The following SLC38A8 variants were observed in gnomAD, a reference collection of about 807,000 sequenced individuals.
SLC38A8 encodes the protein amino acid transporter SLC38A8.
SLC38A8 carries 65 observed loss-of-function variants against 46.0 expected under a neutral mutation model. That is an observed-to-expected ratio of 1.41 (90% CI 1.16 to 1.74). SLC38A8 has a LOEUF of 1.74. SLC38A8 is among the 40% of genes most tolerant of loss of function. The probability of loss-of-function intolerance (pLI) is 0.00; values close to 1 mark genes in which losing one functional copy is unlikely to be tolerated. For missense variants in SLC38A8, 998 were observed against 567.9 expected, an observed-to-expected ratio of 1.76 and a Z score of -7.70; for synonymous variants, 447 against 243.7, an observed-to-expected ratio of 1.83 and a Z score of -7.77.
chr16:84,027,383 AC>A (rs1567698304), intron 6 of SLC38A8, among the ~76,000 whole-genome samples: 264 of 150,556 alleles, frequency 1.8e-3, no homozygotes, highest in African/African-American at 6.4e-3. Flanking sequence ...AAACAAACAA[AC>A]AAACACACAC....
rs141088249 is a variant in SLC38A8 at position 84,040,393 on chromosome 16, T to A, written c.189+1576A>T. Among the ~76,000 whole-genome samples, 479 of 152,192 alleles carry A rather than the reference T, an allele frequency of 3.1e-3. 2 individuals carry two copies. The highest frequency in any genetic ancestry group is 5.6e-3 in the Non-Finnish European group (383 of 67,968). On this transcript the variant is annotated intron_variant, in intron 2 of 10. Transcript: ENST00000299709. Reference sequence around the variant, plus strand: ...ATCCTAAGCAAAACAAAACAGCTGTTTCCCCAGAAGCAAGTCACAAATGTG... The same window carrying A: ...ATCCTAAGCAAAACAAAACAGCTGTATCCCCAGAAGCAAGTCACAAATGTG...
At chr16:84,031,420 G>A (rs2085236436) in intron 5 of SLC38A8, among the ~76,000 whole-genome samples, 1 of 152,172 alleles carries the variant, frequency 6.6e-6, no homozygotes, top group African/African-American at 2.4e-5. Flanking sequence ...AACTCATCCA[G>A]AGCAAAACCA....
intron 5 of SLC38A8, 47 bp from the exon 6 acceptor site, chr16:84,029,598 G>A (rs766149672): frequency 3.9e-5 from 61 of 1,582,038 alleles, no homozygotes; most frequent in African/African-American, 5.4e-5. Context: ...GGTCACACCC[G>A]GAACAACCTG....
chr16:84,027,129 A>C (rs923174339), intron 6 of SLC38A8, among the ~76,000 whole-genome samples: 1 of 152,176 alleles, frequency 6.6e-6, no homozygotes, highest in Admixed American at 6.5e-5. Flanking sequence ...AGGTGGGCAG[A>C]TCAAAAGGTT....
chr16:84,022,946 G>A (rs575549374), intron 6 of SLC38A8, 57 bp from the exon 7 acceptor site: 85 of 1,286,546 alleles, frequency 6.6e-5, no homozygotes, highest in East Asian at 2.9e-4. Flanking sequence ...CAGGCGATGC[G>A]AAAAAAAACT....
At chr16:84,041,718 A>G (rs111507559) in intron 2 of SLC38A8, among the ~76,000 whole-genome samples, 13 of 152,262 alleles carry the variant, frequency 8.5e-5, no homozygotes, top group African/African-American at 3.1e-4. Context: ...TCACAGACAG[A>G]GCTGCGATGC....
chr16:84,013,319 C>T (rs556525593), intron 9 of SLC38A8, among the ~76,000 whole-genome samples: 93 of 148,912 alleles, frequency 6.2e-4, no homozygotes, highest in African/African-American at 2.3e-3. Flanking sequence ...TGACAACATG[C>T]CCCCCCACAG....
intron 7 of SLC38A8, among the ~76,000 whole-genome samples, chr16:84,022,065 C>T (rs1292072488): frequency 6.6e-6 from 1 of 152,214 alleles, no homozygotes; most frequent in Non-Finnish European, 1.5e-5. Flanking sequence ...TTGAAGGCCC[C>T]ACGTCTCAAT....
intron 3 of SLC38A8, among the ~76,000 whole-genome samples, chr16:84,036,242 T>C (rs1415067843): frequency 6.6e-6 from 1 of 152,260 alleles, no homozygotes; most frequent in African/African-American, 2.4e-5. Flanking sequence ...TCATGAGGAA[T>C]GAGTCCAGTG....
intron 7 of SLC38A8, among the ~76,000 whole-genome samples, chr16:84,021,088 G>A (rs1391616124): frequency 2.6e-5 from 4 of 152,066 alleles, no homozygotes; most frequent in Non-Finnish European, 5.9e-5. Flanking sequence ...GGATGACAGA[G>A]TCTCATTCTT....
intron 10 of SLC38A8, 80 bp downstream of exon 10, chr16:84,012,921 G>C (rs999299344): frequency 1.1e-5 from 16 of 1,451,800 alleles, no homozygotes; most frequent in Non-Finnish European, 1.4e-5. Context: ...ATGAGAAATA[G>C]GATCTGCAGG....
At chr16:84,023,638 C>T (rs2085122909) in intron 6 of SLC38A8, among the ~76,000 whole-genome samples, 1 of 152,228 alleles carries the variant, frequency 6.6e-6, no homozygotes, top group Non-Finnish European at 1.5e-5. Flanking sequence ...TCGCACCTGT[C>T]ACCCCAGCAC....
At chr16:84,030,566 C>A (rs2085225934) in intron 5 of SLC38A8, among the ~76,000 whole-genome samples, 1 of 152,084 alleles carries the variant, frequency 6.6e-6, no homozygotes, top group Non-Finnish European at 1.5e-5. Flanking sequence ...CTTGACTGTT[C>A]CAGCCTGAGC....
intron 9 of SLC38A8, among the ~76,000 whole-genome samples, chr16:84,015,740 T>C (rs1350629654): frequency 1.3e-5 from 2 of 152,152 alleles, no homozygotes; most frequent in Non-Finnish European, 2.9e-5. Flanking sequence ...AGTTTCACTC[T>C]TGTCGCCCAG....
In SLC38A8 at chr16:84,042,009, G is replaced by C. The variant is rs564749461; in HGVS notation, c.149C>G (p.Ser50Cys). ...GGCAGGGACCACTCCGCCCGCTTTGGAGAAGGCCCAGGGGAAGTTGAGCAG... is the reference window on the plus strand; with the variant it reads ...GGCAGGGACCACTCCGCCCGCTTTGCAGAAGGCCCAGGGGAAGTTGAGCAG... ...AGLLNFPWAF[S>C]KAGGVVPAFL... The change falls in exon 2 of 11, where the codon TCC becomes TGC. Residue 50 changes from serine to cysteine, a missense_variant. Coordinates refer to ENST00000299709, the MANE Select transcript of SLC38A8 (RefSeq NM_001080442.3). The C allele has an allele frequency of 3.7e-6, 6 of 1,612,042 alleles. No individual in the cohort carries two copies. The South Asian group carries it at 4.4e-5, about 12-fold the overall frequency.
intron 3 of SLC38A8, among the ~76,000 whole-genome samples, chr16:84,035,142 C>A (rs1413762542): frequency 1.3e-5 from 2 of 152,212 alleles, no homozygotes; most frequent in East Asian, 3.9e-4. Flanking sequence ...AGTCAGGGGG[C>A]TCCGCTCCCA....
intron 9 of SLC38A8, among the ~76,000 whole-genome samples, chr16:84,013,433 T>TTTG (rs1436489816): frequency 2.6e-4 from 33 of 128,468 alleles, no homozygotes; most frequent in Non-Finnish European, 4.6e-4. Context: ...TGTTTTTTTT[T>TTTG]TTTTTTTTTT....
intron 10 of SLC38A8, among the ~76,000 whole-genome samples, chr16:84,012,635 G>A (rs890411692): frequency 6.6e-6 from 1 of 152,236 alleles, no homozygotes; most frequent in African/African-American, 2.4e-5. Context: ...ATGGTGTCTG[G>A]CCGGCCATGG....
At chr16:84,017,069 G>C (rs543066846) in intron 8 of SLC38A8, 71 bp downstream of exon 8, 6 of 1,579,456 alleles carry the variant, frequency 3.8e-6, no homozygotes, top group Non-Finnish European at 5.2e-6. Context: ...GCCCACACCT[G>C]GTACATGCTC....
Sources: allele counts gnomAD v4.1 joint callset (sites outside exome capture counted in the v4.1 genomes callset), GRCh38; gene constraint gnomAD v4.1.1; transcripts MANE v1.5; gene names NCBI Gene and HGNC (gene_info 2026-07-23, HGNC 2026-07-21).